Variants in COL15A1 observed in about 807,000 individuals in gnomAD.
The protein encoded by COL15A1 is collagen alpha-1(XV) chain.
A neutral mutation model predicts 165.9 loss-of-function variants in COL15A1; 111 were observed. The observed-to-expected ratio is 0.67, with a 90% confidence interval of 0.57 to 0.78. COL15A1 has a LOEUF of 0.78. COL15A1 is among the 30% of genes least tolerant of loss of function. The pLI is 0.00. For missense variants in COL15A1, 1,745 were observed against 1,789.7 expected, an observed-to-expected ratio of 0.98 and a Z score of 0.45; for synonymous variants, 659 against 674.8, an observed-to-expected ratio of 0.98 and a Z score of 0.36.
chr9:99,013,290 T>A (rs1300410392), intron 9 of COL15A1, among the ~76,000 whole-genome samples: 1 of 150,910 alleles, frequency 6.6e-6, no homozygotes, highest in African/African-American at 2.4e-5. Flanking sequence ...CATGGGGGGG[T>A]CAACCCCCCA....
intron 28 of COL15A1, among the ~76,000 whole-genome samples, chr9:99,049,092 A>G (rs963116250): frequency 1.3e-5 from 2 of 152,108 alleles, no homozygotes; most frequent in African/African-American, 4.8e-5. Context: ...TTCTGCATGA[A>G]CTAAACTCTT....
Position 99,070,606 on chromosome 9 carries a change from C to T in COL15A1, c.*720C>T, listed in dbSNP as rs773377066. The T allele has an allele frequency of 8.8e-6, 4 of 452,840 alleles. No homozygotes were observed. The highest frequency in any genetic ancestry group is 6.3e-5 in the South Asian group (4 of 63,626). The allele number at this position is 452,840 out of a possible 1,614,324, so 28.1% of individuals were successfully genotyped here. A position where few individuals can be genotyped will look rare whatever the true frequency, so the allele number is the denominator to read the frequency against. On this transcript the variant is annotated 3_prime_UTR_variant, in exon 42 of 42. Coordinates refer to ENST00000375001, the MANE Select transcript of COL15A1 (RefSeq NM_001855.5). ...CTACCTTCCCCTTGGCGGCTCTCCT[C>T]CCCAACCCCCACCCCACAATTTTAT...
At chr9:98,970,939 T>A (rs537385864) in intron 2 of COL15A1, among the ~76,000 whole-genome samples, 36 of 152,278 alleles carry the variant, frequency 2.4e-4, no homozygotes, top group Admixed American at 1.2e-3. Flanking sequence ...GAGTGTGTGT[T>A]ATGAGTATGT....
In COL15A1 at chr9:99,024,268, G is replaced by GTTTTTTTTTTTTTTT. The variant is rs201734908; in HGVS notation, c.1855-598_1855-597insTTTTTTTTTTTTTTT. Among the ~76,000 whole-genome samples the GTTTTTTTTTTTTTTT allele has an allele frequency of 8.4e-4, 111 of 131,454 alleles. 6 individuals are homozygous for GTTTTTTTTTTTTTTT. The highest frequency in any genetic ancestry group is 3.8e-3 in the Middle Eastern group (1 of 260). 86.2% of individuals were successfully genotyped at this position (131,454 alleles called of 152,430 possible). A position where few individuals can be genotyped will look rare whatever the true frequency, so the allele number is the denominator to read the frequency against. ...TAAAAACAAGGCTACACCACAAGCAGTTTTTTTTGTTTTTTTGTTTTTTTT... is the reference window on the plus strand; with the variant it reads ...TAAAAACAAGGCTACACCACAAGCAGTTTTTTTTTTTTTTTTTTTTTTTGTTTTTTTGTTTTTTTT... On this transcript the variant is annotated intron_variant, in intron 14 of 41. Transcript: ENST00000375001.
chr9:99,038,800 T>C (rs772506575), intron 22 of COL15A1, 67 bp downstream of exon 22: 1 of 946,310 alleles, frequency 1.1e-6, no homozygotes, highest in Non-Finnish European at 1.7e-6. Flanking sequence ...CAAAGTCGGG[T>C]TACTTTGGAA....
chr9:98,958,127 C>T (rs1400426270), intron 2 of COL15A1, among the ~76,000 whole-genome samples: 1 of 152,272 alleles, frequency 6.6e-6, no homozygotes, highest in Non-Finnish European at 1.5e-5. Context: ...ATGGTGGAGA[C>T]TCTCCCAGAG....
chr9:98,962,426 G>T (rs1024814006), intron 2 of COL15A1, among the ~76,000 whole-genome samples: 5 of 152,226 alleles, frequency 3.3e-5, no homozygotes, highest in African/African-American at 9.6e-5. Flanking sequence ...GAGCCACATT[G>T]TTTATTTCCT....
intron 19 of COL15A1, among the ~76,000 whole-genome samples, chr9:99,035,840 C>T (rs1839291402): frequency 6.6e-6 from 1 of 152,158 alleles, no homozygotes; most frequent in Non-Finnish European, 1.5e-5. Context: ...TGTCCATCTC[C>T]TGCCATGAAG....
intron 5 of COL15A1, 137 bp downstream of exon 5, chr9:98,989,395 GGT>G: frequency 1.4e-6 from 1 of 698,834 alleles, no homozygotes; most frequent in South Asian, 2.0e-5. Context: ...CATCTGGGGG[GGT>G]CAGGAAAATA....
intron 39 of COL15A1, among the ~76,000 whole-genome samples, chr9:99,066,599 G>GTTTTTTTTGT (rs1825895462): frequency 1.4e-5 from 1 of 71,082 alleles, no homozygotes; most frequent in Non-Finnish European, 2.8e-5. Context: ...ATTTTGTTCT[G>GTTTTTTTTGT]TTTTTTTTTT....
intron 2 of COL15A1, among the ~76,000 whole-genome samples, chr9:98,983,795 C>T (rs1564027373): frequency 6.6e-6 from 1 of 152,168 alleles, no homozygotes; most frequent in Non-Finnish European, 1.5e-5. Flanking sequence ...TCTTTTGGAG[C>T]CCATTCTAGT....
At position 99,068,559 on chromosome 9, in the gene COL15A1, A is replaced by G. The variant is rs778249380; in HGVS notation, c.3842A>G (p.Gln1281Arg). 4 of 1,505,350 alleles carry G rather than the reference A, an allele frequency of 2.7e-6. No homozygotes were observed. Among genetic ancestry groups the G allele is most frequent in the Non-Finnish European group, 3.6e-6 (4 of 1,125,774 alleles). The allele number at this position is 1,505,350 out of a possible 1,614,324, so 93.2% of individuals were successfully genotyped here. A position where few individuals can be genotyped will look rare whatever the true frequency, so the allele number is the denominator to read the frequency against. ...TGTGGTATTTTGTCTCTATAGGGCC[A>G]AGTACTTTTTAATAATTGGGACTCA... ...YSLPIVNLKG[Q>R]VLFNNWDSIF... The change falls in exon 41 of 42, where the codon CAA becomes CGA. Residue 1281 changes from glutamine to arginine, a missense_variant. Transcript: ENST00000375001.
At chr9:98,977,520 G>A (rs531839529) in intron 2 of COL15A1, among the ~76,000 whole-genome samples, 3 of 152,352 alleles carry the variant, frequency 2.0e-5, no homozygotes, top group African/African-American at 7.2e-5. Flanking sequence ...GTCAGGGGTC[G>A]TCCCCTACCA....
intron 2 of COL15A1, among the ~76,000 whole-genome samples, chr9:98,948,662 C>G (rs1333806543): frequency 1.3e-5 from 2 of 151,320 alleles, no homozygotes; most frequent in Non-Finnish European, 2.9e-5. Context: ...TCTTGTACCT[C>G]CAATGGTCAG....
At chr9:98,944,276 A>T (rs776125052) in intron 2 of COL15A1, 26 bp downstream of exon 2, 3 of 1,607,074 alleles carry the variant, frequency 1.9e-6, no homozygotes, top group East Asian at 4.5e-5. Flanking sequence ...GGAGGGTGGC[A>T]CCGGCTGCCT....
chr9:98,994,913 G>A (rs1011195489), intron 5 of COL15A1, among the ~76,000 whole-genome samples: 1 of 152,092 alleles, frequency 6.6e-6, no homozygotes, highest in Non-Finnish European at 1.5e-5. Context: ...CAGGGGGGTT[G>A]GGATGCCTTG....
chr9:99,054,940 C>T (rs749150959), intron 32 of COL15A1, among the ~76,000 whole-genome samples, 162 bp from the exon 33 acceptor site: 5 of 152,230 alleles, frequency 3.3e-5, no homozygotes, highest in African/African-American at 1.2e-4. Context: ...TTGATGGGCC[C>T]ACAGTAGCTA....
At chr9:99,028,674 T>C (rs1839169497) in intron 16 of COL15A1, among the ~76,000 whole-genome samples, 1 of 151,282 alleles carries the variant, frequency 6.6e-6, no homozygotes, top group South Asian at 2.1e-4. Context: ...AAAAGATTGA[T>C]ACAACAGACT....
intron 7 of COL15A1, among the ~76,000 whole-genome samples, chr9:99,002,905 T>C (rs12378396): frequency 0.11 from 16,793 of 152,260 alleles, 1,075 homozygotes; most frequent in East Asian, 0.26. Flanking sequence ...AGATAGAACA[T>C]AGTTTGCTGT....
Sources: allele counts gnomAD v4.1 joint callset (sites outside exome capture counted in the v4.1 genomes callset), GRCh38; gene constraint gnomAD v4.1.1; transcripts MANE v1.5; gene names NCBI Gene and HGNC (gene_info 2026-07-23, HGNC 2026-07-21).